The following MAN2B2 variants were observed in gnomAD, a reference collection of about 807,000 sequenced individuals.
MAN2B2 encodes the protein epididymis-specific alpha-mannosidase.
MAN2B2 carries 106 observed loss-of-function variants against 117.1 expected under a neutral mutation model. The ratio of observed to expected loss-of-function variants is 0.90; its 90% CI spans 0.77 to 1.06. MAN2B2 has a LOEUF of 1.06. Among genes scored for constraint, MAN2B2 ranks in the 50% least tolerant of loss-of-function variants. The probability of loss-of-function intolerance (pLI) is 0.00; values close to 1 mark genes in which losing one functional copy is unlikely to be tolerated. For synonymous variants in MAN2B2, 544 were observed against 595.1 expected (o/e 0.91, Z 1.25); for missense variants, 1,326 against 1,381.4 (o/e 0.96, Z 0.64).
chr4:6,578,986 C>G lies in MAN2B2; in HGVS notation c.391+488C>G, dbSNP rs1326953602. The stretch of plus-strand genomic sequence containing the variant: ...CCATCACCACCACCACCACGATGAC[C>G]ATCACTACCACTACCATCACCACCA... On this transcript the variant is annotated intron_variant, in intron 3 of 18. Coordinates refer to ENST00000285599, the MANE Select transcript of MAN2B2 (RefSeq NM_015274.3). Among the ~76,000 whole-genome samples the G allele has an allele frequency of 4.1e-5, 6 of 147,076 alleles. No individual in the cohort carries two copies. The East Asian group carries it at 1.2e-3, about 30-fold the overall frequency.
At chr4:6,609,022 C>T (rs904933965) in intron 11 of MAN2B2, 85 bp from the exon 12 acceptor site, 127 of 1,322,648 alleles carry the variant, frequency 9.6e-5, no homozygotes, top group Non-Finnish European at 1.2e-4. Context: ...ACTCAGATGG[C>T]ATCTGGAGAG....
rs756487357 is a variant in MAN2B2, at chr4:6,578,443, G to A, written c.336G>A (p.Gln112=). The A allele has an allele frequency of 1.2e-6, 2 of 1,613,700 alleles. No homozygotes were observed. Among genetic ancestry groups the A allele is most frequent in the Non-Finnish European group, 1.7e-6 (2 of 1,179,840 alleles). Residue 112 remains glutamine (Q), a synonymous_variant, in exon 3 of 19, where the codon CAG becomes CAA. Coordinates refer to ENST00000285599, the MANE Select transcript of MAN2B2 (RefSeq NM_015274.3). ...EGRLEFVIGG[Q]VMHDEAVTHL... The stretch of plus-strand genomic sequence containing the variant: ...GCCTGGAATTTGTCATCGGAGGCCA[G>A]GTCATGCATGACGAGGCTGTGACGC...
intron 11 of MAN2B2, 99 bp downstream of exon 11, chr4:6,605,428 G>T: frequency 7.2e-7 from 1 of 1,393,220 alleles, no homozygotes. Flanking sequence ...CTTGCCTGGG[G>T]GAAGGACAGA....
At chr4:6,575,822 C>T (rs991127750) in intron 1 of MAN2B2, among the ~76,000 whole-genome samples, 1 of 152,124 alleles carries the variant, frequency 6.6e-6, no homozygotes, top group South Asian at 2.1e-4. Context: ...GGACCTTGGG[C>T]GAGGGGCTTT....
Position 6,620,006 on chromosome 4 carries a change from A to G in MAN2B2, c.2894A>G (p.His965Arg). The change falls in exon 18 of 19, where the codon CAC becomes CGC. Residue 965 changes from histidine to arginine, a missense_variant. Coordinates refer to ENST00000285599, the MANE Select transcript of MAN2B2 (RefSeq NM_015274.3). ...LTGTWDLSML[H>R]RWSWRTGPGR... ...GGGACCTGGGATTTGAGCATGCTGC[A>G]CCGCTGGAGCTGGAGGACGGGGCCT... is the stretch of plus-strand genomic sequence containing the variant. 6.2e-7 allele frequency: 1 copy of G among 1,613,632 alleles called. No homozygotes were observed. The highest frequency in any genetic ancestry group is 2.2e-5 in the East Asian group (1 of 44,858).
intron 7 of MAN2B2, among the ~76,000 whole-genome samples, chr4:6,596,674 A>G (rs1727102715): frequency 6.6e-6 from 1 of 151,900 alleles, no homozygotes; most frequent in African/African-American, 2.4e-5. Flanking sequence ...TGGCCTCCCC[A>G]TGCCCACGTC....
rs201846526 is a variant in MAN2B2 at position 6,587,750 on chromosome 4, G to GTTTTTTTTTTT, written c.564+594_564+604dup. Among the ~76,000 whole-genome samples the GTTTTTTTTTTT allele has an allele frequency of 1.2e-3, 133 of 113,456 alleles. 1 individual carries two copies. Among genetic ancestry groups the GTTTTTTTTTTT allele is most frequent in the Non-Finnish European group, 1.6e-3 (91 of 57,290 alleles). 74.4% of individuals were successfully genotyped at this position (113,456 alleles called of 152,430 possible). A position where few individuals can be genotyped will look rare whatever the true frequency, so the allele number is the denominator to read the frequency against. On this transcript the variant is annotated intron_variant, in intron 4 of 18. Transcript: ENST00000285599. ...GTTTTTTGGGGTCTTTTGGGTTGTT[G>GTTTTTTTTTTT]TTTTTTTTTTTTTTTTTTTTTTGAG... is the stretch of plus-strand genomic sequence containing the variant.
At chr4:6,614,554 G>A (rs1388775116) in intron 16 of MAN2B2, among the ~76,000 whole-genome samples, 199 bp downstream of exon 16, 1 of 152,160 alleles carries the variant, frequency 6.6e-6, no homozygotes, top group Non-Finnish European at 1.5e-5. Flanking sequence ...GAGGCGAGGT[G>A]GGCCTGGCCC....
chr4:6,611,394 C>T (rs939749512), intron 15 of MAN2B2, 116 bp downstream of exon 15: 3 of 1,075,674 alleles, frequency 2.8e-6, no homozygotes, highest in Non-Finnish European at 3.9e-6. Flanking sequence ...GGGCAGGAAG[C>T]GACCTCAGGG....
chr4:6,608,945 C>CCT (rs1727648893), intron 11 of MAN2B2, among the ~76,000 whole-genome samples, 162 bp from the exon 12 acceptor site: 1 of 152,158 alleles, frequency 6.6e-6, no homozygotes, highest in African/African-American at 2.4e-5. Flanking sequence ...GCCACACTGG[C>CCT]TGTGGGTGGG....
chr4:6,596,623 C>G (rs6852555), intron 7 of MAN2B2, among the ~76,000 whole-genome samples: 10,174 of 152,192 alleles, frequency 0.067, 876 homozygotes, highest in African/African-American at 0.2. Flanking sequence ...TCCATCCTCC[C>G]TGGACGCCCA....
At chr4:6,578,596 T>A in intron 3 of MAN2B2, 98 bp downstream of exon 3, 3 of 983,290 alleles carry the variant, frequency 3.1e-6, no homozygotes, top group Non-Finnish European at 4.6e-6. Flanking sequence ...TGTCTGCCCC[T>A]CTTAGTGGGG....
At chr4:6,608,200 C>A (rs1027306113) in intron 11 of MAN2B2, among the ~76,000 whole-genome samples, 1 of 152,182 alleles carries the variant, frequency 6.6e-6, no homozygotes, top group Non-Finnish European at 1.5e-5. Flanking sequence ...CTTTTGATGG[C>A]CCCTGGGGGA....
chr4:6,614,503 G>A, intron 16 of MAN2B2, 148 bp downstream of exon 16: 1 of 988,994 alleles, frequency 1.0e-6, no homozygotes, highest in Non-Finnish European at 1.5e-6. Context: ...TGGGGAGAGT[G>A]AGGCCCAGGG....
In MAN2B2 at chr4:6,592,559, A is replaced by G. The variant is rs183474777; in HGVS notation, c.681-614A>G. 2.0e-5 allele frequency among the ~76,000 whole-genome samples: 3 copies of G among 152,200 alleles called. No homozygotes were observed. In the South Asian group the frequency reaches 6.2e-4, roughly 32 times the overall value. ...TTCGAGGCTGCAGTGAGCCGTGATC[A>G]TATCACTGCACTCCAGCCTGATCAA... is the stretch of plus-strand genomic sequence containing the variant. On this transcript the variant is annotated intron_variant, in intron 5 of 18. Coordinates refer to ENST00000285599, the MANE Select transcript of MAN2B2 (RefSeq NM_015274.3).
Position 6,597,364 on chromosome 4 carries a change from C to T in MAN2B2, c.1248+61C>T, listed in dbSNP as rs530947132. ...ACCTCCCATGCTGCGCACCTCCCCT[C>T]CCTTGTCCTAGCCAATCCTTCCAGC... On this transcript the variant is annotated intron_variant, in intron 8 of 18. Coordinates refer to ENST00000285599, the MANE Select transcript of MAN2B2 (RefSeq NM_015274.3). 4 of 1,465,062 alleles carry T rather than the reference C, an allele frequency of 2.7e-6. No homozygotes were observed. The South Asian group carries it at 4.1e-5, about 15-fold the overall frequency. The allele number at this position is 1,465,062 out of a possible 1,614,324, so 90.8% of individuals were successfully genotyped here.
At chr4:6,579,075 C>G (rs796756886) in intron 3 of MAN2B2, among the ~76,000 whole-genome samples, 9 of 66,594 alleles carry the variant, frequency 1.4e-4, no homozygotes, top group African/African-American at 1.5e-4. Context: ...ACCATCACCA[C>G]CACCACCACC....
Position 6,609,289 on chromosome 4 carries a change from A to G in MAN2B2, c.1997A>G (p.Tyr666Cys). The G allele has an allele frequency of 1.9e-6, 3 of 1,613,786 alleles. No individual in the cohort carries two copies. Among genetic ancestry groups the G allele is most frequent in the Non-Finnish European group, 1.7e-6 (2 of 1,179,918 alleles). ...AGQLVTEIRQYFYRNMTAQNY... is the reference protein window; with the variant it reads ...AGQLVTEIRQCFYRNMTAQNY... ...CAGCTTGTGACTGAGATCCGGCAGT[A>G]CTTCTACAGGTGCTTCCCCTGGGGT... The change falls in exon 12 of 19, where the codon TAC (tyrosine) becomes TGC (cysteine). Residue 666 changes from tyrosine (Y) to cysteine (C), a missense_variant. Tyr to Cys is a radical substitution (Grantham distance 194). Transcript: ENST00000285599.
chr4:6,607,204 TATTG>T (rs894820448), intron 11 of MAN2B2, among the ~76,000 whole-genome samples: 114 of 152,288 alleles, frequency 7.5e-4, no homozygotes, highest in African/African-American at 1.3e-3. Context: ...TCCCCCTTTT[TATTG>T]ATTGATTGAT....
Sources: allele counts gnomAD v4.1 joint callset (sites outside exome capture counted in the v4.1 genomes callset), GRCh38; gene constraint gnomAD v4.1.1; transcripts MANE v1.5; gene names NCBI Gene and HGNC (gene_info 2026-07-23, HGNC 2026-07-21).